COMMD1: variants seen among roughly 807,000 people sequenced by gnomAD.
COMMD1 encodes COMM domain-containing protein 1.
In COMMD1, 10 loss-of-function variants were observed where a neutral mutation model predicts 17.2. The ratio of observed to expected loss-of-function variants is 0.58; its 90% CI spans 0.36 to 0.99. COMMD1 has a LOEUF of 0.99. COMMD1 is among the 50% of genes least tolerant of loss of function. The probability of loss-of-function intolerance (pLI) is 0.01; values close to 1 mark genes in which losing one functional copy is unlikely to be tolerated. For synonymous variants in COMMD1, 97 were observed against 91.6 expected, an observed-to-expected ratio of 1.06 and a Z score of -0.34; for missense variants, 270 against 231.8, an observed-to-expected ratio of 1.17 and a Z score of -1.07.
intron 2 of COMMD1, among the ~76,000 whole-genome samples, chr2:62,054,797 G>T (rs369597569): frequency 4.6e-5 from 7 of 152,182 alleles, no homozygotes; most frequent in Non-Finnish European, 8.8e-5. Flanking sequence ...CCTAAAAGCC[G>T]TGACTTGACC....
intron 2 of COMMD1, among the ~76,000 whole-genome samples, chr2:62,068,048 C>T (rs1437019552): frequency 6.6e-6 from 1 of 152,094 alleles, no homozygotes; most frequent in Non-Finnish European, 1.5e-5. Flanking sequence ...GTGTAGCCAC[C>T]AGATAAAGCC....
At chr2:61,984,750 G>A (rs1476201859) in intron 1 of COMMD1, among the ~76,000 whole-genome samples, 1 of 152,162 alleles carries the variant, frequency 6.6e-6, no homozygotes, top group Non-Finnish European at 1.5e-5. Context: ...ACTGAAAATG[G>A]GATGTTGAAG....
intron 1 of COMMD1, among the ~76,000 whole-genome samples, chr2:61,981,085 C>A (rs1005119586): frequency 6.6e-6 from 1 of 152,020 alleles, no homozygotes. Context: ...CAAATATTTT[C>A]TCCCATTCTG....
At chr2:62,035,205 TAAAGA>T (rs906795051) in intron 2 of COMMD1, among the ~76,000 whole-genome samples, 4 of 152,198 alleles carry the variant, frequency 2.6e-5, no homozygotes, top group Non-Finnish European at 4.4e-5. Context: ...TACTGATACT[TAAAGA>T]AAAGAAATGG....
intron 2 of COMMD1, among the ~76,000 whole-genome samples, chr2:62,093,238 C>A (rs1226199595): frequency 1.3e-5 from 2 of 152,210 alleles, no homozygotes. Flanking sequence ...TAAACTCCAA[C>A]TGCCATACTT....
chr2:61,900,422 A>G (rs1426901777), intron 1 of COMMD1, among the ~76,000 whole-genome samples: 3 of 152,250 alleles, frequency 2.0e-5, no homozygotes, highest in Non-Finnish European at 4.4e-5. Context: ...AGTTAGCCAC[A>G]ATATTTTGCG....
chr2:62,064,359 A>T (rs1229928665), intron 2 of COMMD1, among the ~76,000 whole-genome samples: 3 of 152,008 alleles, frequency 2.0e-5, no homozygotes, highest in Admixed American at 1.3e-4. Flanking sequence ...TTTTTAGTAG[A>T]GATGGGTTTG....
At chr2:62,076,708 C>T (rs1417517382) in intron 2 of COMMD1, among the ~76,000 whole-genome samples, 2 of 152,182 alleles carry the variant, frequency 1.3e-5, no homozygotes, top group Admixed American at 1.3e-4. Flanking sequence ...GATCACACCA[C>T]TGCACTCCAG....
chr2:62,088,999 TAA>T lies in COMMD1; in HGVS notation c.463-46831_463-46830del, dbSNP rs368181074. ...AAACATTTTCTGGTTGACAATTGGTTAAGTTTATCTAAGGATCTAGGATCCCT... is the reference window on the plus strand; with the variant it reads ...AAACATTTTCTGGTTGACAATTGGTTGTTTATCTAAGGATCTAGGATCCCT... On this transcript the variant is annotated intron_variant, in intron 2 of 2. Coordinates refer to ENST00000311832, the MANE Select transcript of COMMD1 (RefSeq NM_152516.4). 2.3e-4 allele frequency among the ~76,000 whole-genome samples: 35 copies of T among 152,316 alleles called. No homozygotes were observed. In the East Asian group the frequency reaches 6.6e-3, roughly 29 times the overall value.
intron 2 of COMMD1, among the ~76,000 whole-genome samples, chr2:62,002,493 A>G (rs1161135809): frequency 7.5e-4 from 21 of 27,926 alleles, no homozygotes; most frequent in Admixed American, 5.0e-3. Context: ...TTCCACCAGA[A>G]AAAAAAAAAA....
chr2:62,071,072 A>G (rs188299947), intron 2 of COMMD1, among the ~76,000 whole-genome samples: 94 of 152,358 alleles, frequency 6.2e-4, no homozygotes, highest in Non-Finnish European at 1.0e-3. Flanking sequence ...GCGACTACAT[A>G]GGCAGAGCAG....
intron 1 of COMMD1, among the ~76,000 whole-genome samples, chr2:61,987,695 C>T (rs985420317): frequency 1.3e-5 from 2 of 152,168 alleles, no homozygotes; most frequent in African/African-American, 4.8e-5. Flanking sequence ...GGCTACCGCT[C>T]AAGGCCTAGG....
intron 2 of COMMD1, among the ~76,000 whole-genome samples, chr2:62,041,397 CT>C (rs1248471229): frequency 6.6e-6 from 1 of 151,862 alleles, no homozygotes; most frequent in African/African-American, 2.4e-5. Context: ...AATCATTGAG[CT>C]GTTTTTATGC....
At position 61,905,928 on chromosome 2, in the gene COMMD1, C is replaced by T. The variant is rs184393996; in HGVS notation, c.180+70C>T. ...GGCCGCTGGCTTCAGACTCTCCCCCCCTTGCCTTCCCCTGTCCTCACAAGC... is the reference window on the plus strand; with the variant it reads ...GGCCGCTGGCTTCAGACTCTCCCCCTCTTGCCTTCCCCTGTCCTCACAAGC... On this transcript the variant is annotated intron_variant, in intron 1 of 2. Coordinates refer to ENST00000311832, the MANE Select transcript of COMMD1 (RefSeq NM_152516.4). 2.3e-5 allele frequency: 34 copies of T among 1,485,618 alleles called. 1 individual carries two copies. The African/African-American group carries it at 2.6e-4, about 11-fold the overall frequency. 92.0% of individuals were successfully genotyped at this position (1,485,618 alleles called of 1,614,324 possible).
rs1670081576 is a variant in COMMD1 at position 61,917,570 on chromosome 2, C to T, written c.180+11712C>T. On this transcript the variant is annotated intron_variant, in intron 1 of 2. Coordinates refer to ENST00000311832, the MANE Select transcript of COMMD1 (RefSeq NM_152516.4). ...TGAGACGGAGTCTCGCTGTGTCTCC[C>T]AGGTTGGACTGCAGTGCCGTGATCT... Among the ~76,000 whole-genome samples, 6 of 152,138 alleles carry T rather than the reference C, an allele frequency of 3.9e-5. No homozygotes were observed. In the South Asian group the frequency reaches 1.2e-3, roughly 32 times the overall value.
At chr2:62,077,970 C>G (rs1671392261) in intron 2 of COMMD1, among the ~76,000 whole-genome samples, 1 of 151,958 alleles carries the variant, frequency 6.6e-6, no homozygotes, top group Non-Finnish European at 1.5e-5. Flanking sequence ...AAAGGAATAT[C>G]TGGGTTAAGA....
intron 1 of COMMD1, among the ~76,000 whole-genome samples, chr2:61,928,249 G>A (rs377465561): frequency 7.9e-5 from 12 of 151,892 alleles, no homozygotes; most frequent in East Asian, 5.8e-4. Context: ...TACGACCTCC[G>A]CCTCCTAAGT....
rs562614807 is a variant in COMMD1, at chr2:62,003,771, G to A, written c.462+2789G>A. Among the ~76,000 whole-genome samples, 15 of 152,162 alleles carry A rather than the reference G, an allele frequency of 9.9e-5. No individual in the cohort carries two copies. The South Asian group carries it at 2.9e-3, about 29-fold the overall frequency. On this transcript the variant is annotated intron_variant, in intron 2 of 2. Transcript: ENST00000311832. ...TTTGTCTATATTTAACATTTGGTCA[G>A]GAATATGAAAACATAATCTGTTTTA...
chr2:61,925,056 C>T (rs1360447446), intron 1 of COMMD1, among the ~76,000 whole-genome samples: 2 of 152,138 alleles, frequency 1.3e-5, no homozygotes, highest in Non-Finnish European at 2.9e-5. Flanking sequence ...TCTTCACTCA[C>T]CCTGGTGGAG....
Sources: gnomAD v4.1 joint callset for allele counts (sites outside exome capture counted in the v4.1 genomes callset) on GRCh38, gnomAD v4.1.1 for gene constraint, MANE v1.5 for transcripts, NCBI Gene and HGNC (gene_info 2026-07-23, HGNC 2026-07-21) for gene names.